The following BEND7 variants were observed in gnomAD, a reference collection of about 807,000 sequenced individuals.
The protein encoded by BEND7 is BEN domain containing 7, also known as BEN domain-containing protein 7.
A neutral mutation model predicts 50.9 loss-of-function variants in BEND7; 28 were observed. The ratio of observed to expected loss-of-function variants is 0.55; its 90% CI spans 0.41 to 0.75. The LOEUF is 0.75. BEND7 is among the 30% of genes least tolerant of loss of function. BEND7 has a pLI of 0.00. For synonymous variants in BEND7, 170 were observed against 183.9 expected, an observed-to-expected ratio of 0.92 and a Z score of 0.61; for missense variants, 477 against 491.3, an observed-to-expected ratio of 0.97 and a Z score of 0.28.
chr10:13,456,113 CCT>C (rs1165166143), intron 6 of BEND7, among the ~76,000 whole-genome samples: 7 of 152,252 alleles, frequency 4.6e-5, no homozygotes, highest in Admixed American at 6.5e-5. Context: ...AATGAACTCA[CCT>C]CTCTACTCCT....
chr10:13,525,928 G>C (rs975315340), intron 2 of BEND7, among the ~76,000 whole-genome samples: 1 of 152,144 alleles, frequency 6.6e-6, no homozygotes, highest in Non-Finnish European at 1.5e-5. Flanking sequence ...ACTGTGTGTA[G>C]ACACTAATAA....
intron 6 of BEND7, among the ~76,000 whole-genome samples, chr10:13,457,828 A>G (rs1023514514): frequency 6.6e-6 from 1 of 152,254 alleles, no homozygotes; most frequent in African/African-American, 2.4e-5. Flanking sequence ...GAGGTATTGC[A>G]TTAATGCACT....
At position 13,512,660 on chromosome 10, in the gene BEND7, A is replaced by G. The variant is rs74556418; in HGVS notation, c.146-12580T>C. ...GAGATGTTAATTCCACATCTACCTC[A>G]TGGATCAGTTAAGTATGAACATCAT... is the stretch of plus-strand genomic sequence containing the variant. On this transcript the variant is annotated intron_variant, in intron 2 of 8. Coordinates refer to ENST00000466271, the MANE Select transcript of BEND7 (RefSeq NM_001369863.1). Among the ~76,000 whole-genome samples the G allele has an allele frequency of 2.3e-3, 350 of 152,306 alleles. 14 individuals are homozygous for G. The South Asian group carries it at 0.046, about 20-fold the overall frequency.
At chr10:13,467,665 A>G (rs2074386368) in intron 6 of BEND7, among the ~76,000 whole-genome samples, 1 of 152,164 alleles carries the variant, frequency 6.6e-6, no homozygotes, top group African/African-American at 2.4e-5. Flanking sequence ...TCAAATTTAT[A>G]TTCTGCCTCC....
At chr10:13,529,292 C>A (rs554040299), upstream of BEND7, among the ~76,000 whole-genome samples, 1 of 151,312 alleles carries the variant, frequency 6.6e-6, no homozygotes, top group Non-Finnish European at 1.5e-5. Context: ...CCCTCCGCCG[C>A]TTGCTGGGCC....
At chr10:13,489,727 G>C (rs2076514486) in intron 5 of BEND7, among the ~76,000 whole-genome samples, 1 of 152,168 alleles carries the variant, frequency 6.6e-6, no homozygotes, top group Non-Finnish European at 1.5e-5. Flanking sequence ...TCAAATCACA[G>C]TAGAGCCTTG....
intron 2 of BEND7, among the ~76,000 whole-genome samples, chr10:13,515,566 CAT>C (rs2078606394): frequency 6.6e-6 from 1 of 152,184 alleles, no homozygotes; most frequent in Non-Finnish European, 1.5e-5. Flanking sequence ...GATTTGAAAA[CAT>C]ATTATGAAAT....
intron 2 of BEND7, among the ~76,000 whole-genome samples, chr10:13,501,528 T>A (rs1449052609): frequency 6.6e-6 from 1 of 152,040 alleles, no homozygotes; most frequent in Non-Finnish European, 1.5e-5. Flanking sequence ...AAATGAATTT[T>A]TTTTTCTCAA....
At chr10:13,450,090 A>C (rs929084680) in intron 7 of BEND7, among the ~76,000 whole-genome samples, 1 of 152,254 alleles carries the variant, frequency 6.6e-6, no homozygotes, top group African/African-American at 2.4e-5. Flanking sequence ...GAAAGGAATC[A>C]CTGGAGCTAT....
intron 7 of BEND7, among the ~76,000 whole-genome samples, chr10:13,449,447 G>A (rs569216538): frequency 6.6e-6 from 1 of 152,336 alleles, no homozygotes; most frequent in African/African-American, 2.4e-5. Context: ...AGGAAAGTGA[G>A]ACAGAGGTTG....
chr10:13,448,237 C>T (rs923485080), intron 7 of BEND7, among the ~76,000 whole-genome samples: 2 of 152,088 alleles, frequency 1.3e-5, no homozygotes, highest in African/African-American at 4.8e-5. Flanking sequence ...AAAAGGTGCA[C>T]GTGTGTCTCT....
chr10:13,528,676 G>A lies in BEND7; in HGVS notation c.-143C>T. The stretch of plus-strand genomic sequence containing the variant: ...AGGTCCGCGCCTGGAGTCGGCGAGG[G>A]GAGGCCGCGGGACGGGAGGAACCAC... On this transcript the variant is annotated 5_prime_UTR_variant, in exon 1 of 9. Coordinates refer to ENST00000466271, the MANE Select transcript of BEND7 (RefSeq NM_001369863.1). 4.1e-6 allele frequency: 1 copy of A among 241,140 alleles called. No individual in the cohort carries two copies. Among genetic ancestry groups the A allele is most frequent in the South Asian group, 1.3e-4 (1 of 7,612 alleles). 14.9% of individuals were successfully genotyped at this position (241,140 alleles called of 1,614,324 possible).
intron 7 of BEND7, among the ~76,000 whole-genome samples, chr10:13,447,536 C>CTTTTTTTT (rs11346528): frequency 1.5e-4 from 13 of 86,112 alleles, no homozygotes; most frequent in Non-Finnish European, 1.8e-4. Context: ...CGTATTAAAA[C>CTTTTTTTT]TTTTTTTTTT....
chr10:13,482,699 G>T (rs1325358641), intron 5 of BEND7, among the ~76,000 whole-genome samples: 1 of 152,166 alleles, frequency 6.6e-6, no homozygotes, highest in African/African-American at 2.4e-5. Context: ...TCCATGTTTG[G>T]TCTCTGAATG....
intron 4 of BEND7, among the ~76,000 whole-genome samples, 157 bp from the exon 5 acceptor site, chr10:13,493,033 C>G (rs1454547014): frequency 6.6e-6 from 1 of 152,158 alleles, no homozygotes; most frequent in East Asian, 1.9e-4. Context: ...CTAAAGGTTA[C>G]CAAACGCAGG....
intron 6 of BEND7, among the ~76,000 whole-genome samples, chr10:13,471,934 G>C (rs564340703): frequency 6.6e-6 from 1 of 151,670 alleles, no homozygotes; most frequent in East Asian, 2.0e-4. Flanking sequence ...TGTTAGACTC[G>C]GGGTCGATAT....
chr10:13,516,059 C>A (rs1032188193), intron 2 of BEND7, among the ~76,000 whole-genome samples: 2 of 152,194 alleles, frequency 1.3e-5, no homozygotes, highest in Non-Finnish European at 2.9e-5. Flanking sequence ...GGCACATTAC[C>A]TTTTAACATG....
downstream of BEND7, chr10:13,439,161 G>A: frequency 1.3e-6 from 2 of 1,590,760 alleles, no homozygotes; most frequent in Non-Finnish European, 1.7e-6. Context: ...ACATAAATAA[G>A]CAAGATAATT....
chr10:13,509,624 G>A (rs188799800), intron 2 of BEND7, among the ~76,000 whole-genome samples: 3 of 152,308 alleles, frequency 2.0e-5, no homozygotes, highest in East Asian at 1.9e-4. Flanking sequence ...GGAGGACTAC[G>A]CCTCACAAAG....
Sources: allele counts gnomAD v4.1 joint callset (sites outside exome capture counted in the v4.1 genomes callset), GRCh38; gene constraint gnomAD v4.1.1; transcripts MANE v1.5; gene names NCBI Gene and HGNC (gene_info 2026-07-23, HGNC 2026-07-21).